BIRC6: variants seen among roughly 807,000 people sequenced by gnomAD.
BIRC6 encodes dual E2 ubiquitin-conjugating enzyme/E3 ubiquitin-protein ligase BIRC6.
Under a neutral mutation model 503.3 loss-of-function variants are expected in BIRC6, and 98 were observed. That is an observed-to-expected ratio of 0.19 (90% CI 0.17 to 0.23). BIRC6 has a LOEUF of 0.23. BIRC6 is among the 10% of genes least tolerant of loss of function. The probability of loss-of-function intolerance (pLI) is 1.00; values close to 1 mark genes in which losing one functional copy is unlikely to be tolerated. For missense variants in BIRC6, 5,360 were observed against 5,806.0 expected (o/e 0.92, Z 2.50); for synonymous variants, 2,240 against 2,078.7 (o/e 1.08, Z -2.11).
intron 15 of BIRC6, among the ~76,000 whole-genome samples, 165 bp from the exon 16 acceptor site, chr2:32,439,343 G>T (rs779816857): frequency 6.6e-6 from 1 of 152,060 alleles, no homozygotes; most frequent in South Asian, 2.1e-4. Context: ...TGCTGACAGC[G>T]TGTGAAGGTG....
chr2:32,425,098 A>T (rs371975959), intron 10 of BIRC6, among the ~76,000 whole-genome samples: 1 of 147,728 alleles, frequency 6.8e-6, no homozygotes, highest in Non-Finnish European at 1.5e-5. Flanking sequence ...CCACTTTTGA[A>T]TTTTTTTTTT....
At chr2:32,545,541 CT>C (rs2057999611) in intron 62 of BIRC6, 101 bp from the exon 63 acceptor site, 1 of 956,148 alleles carries the variant, frequency 1.0e-6, no homozygotes, top group Admixed American at 1.8e-5. Context: ...TAGTGGTATA[CT>C]TTTGTATTAC....
chr2:32,531,615 T>G (rs2056759783), intron 61 of BIRC6, 64 bp downstream of exon 61: 1 of 1,381,184 alleles, frequency 7.2e-7, no homozygotes, highest in Admixed American at 2.6e-5. Flanking sequence ...CTTTTTAATG[T>G]TTGTTTTTTA....
At chr2:32,457,711 T>G (rs922715496) in intron 23 of BIRC6, among the ~76,000 whole-genome samples, 3 of 152,104 alleles carry the variant, frequency 2.0e-5, no homozygotes, top group South Asian at 2.1e-4. Context: ...TGAGCTTTTA[T>G]CTGGTATGAT....
chr2:32,395,708 T>G (rs899209396), intron 6 of BIRC6, 115 bp downstream of exon 6: 46 of 812,588 alleles, frequency 5.7e-5, no homozygotes, highest in Non-Finnish European at 9.1e-5. Flanking sequence ...CCTATATTTT[T>G]GTCATTGTCC....
chr2:32,549,536 A>G (rs994211747), intron 65 of BIRC6, 55 bp downstream of exon 65: 2 of 1,258,720 alleles, frequency 1.6e-6, no homozygotes, highest in African/African-American at 1.5e-5. Flanking sequence ...TGCTTATTTT[A>G]TCATTGTCTA....
intron 65 of BIRC6, chr2:32,565,214 A>G (rs2059454083): frequency 6.6e-6 from 1 of 152,222 alleles, no homozygotes; most frequent in East Asian, 1.9e-4. Context: ...AGAACCTTAC[A>G]GTGGAATATT....
At chr2:32,414,272 C>T (rs1247933729) in intron 9 of BIRC6, among the ~76,000 whole-genome samples, 4 of 152,158 alleles carry the variant, frequency 2.6e-5, no homozygotes, top group African/African-American at 7.2e-5. Context: ...AGCAAAACTC[C>T]ATCTCCAGAA....
Position 32,479,630 on chromosome 2 carries a change from A to G in BIRC6, c.7408+13A>G, listed in dbSNP as rs1220495450. ...CATGACATAACAGGTAAAGTTTTAC[A>G]TTATGTTTCTTCTTTATTCTATTAA... On this transcript the variant is annotated intron_variant, in intron 37 of 73. Coordinates refer to ENST00000421745, the MANE Select transcript of BIRC6 (RefSeq NM_016252.4). 6.4e-7 allele frequency: 1 copy of G among 1,569,082 alleles called. No homozygotes were observed. The highest frequency in any genetic ancestry group is 1.7e-5 in the Admixed American group (1 of 57,194).
intron 72 of BIRC6, among the ~76,000 whole-genome samples, chr2:32,608,776 T>C (rs1229865089): frequency 6.6e-6 from 1 of 152,210 alleles, no homozygotes; most frequent in African/African-American, 2.4e-5. Flanking sequence ...GTTTCTGATA[T>C]ATTTCTCATT....
At chr2:32,479,932 T>A (rs2050186431) in intron 37 of BIRC6, among the ~76,000 whole-genome samples, 1 of 152,178 alleles carries the variant, frequency 6.6e-6, no homozygotes, top group Non-Finnish European at 1.5e-5. Flanking sequence ...TTCTTTAAGA[T>A]CCAGCATGTG....
At chr2:32,368,842 A>G (rs1411060793) in intron 1 of BIRC6, among the ~76,000 whole-genome samples, 1 of 152,050 alleles carries the variant, frequency 6.6e-6, no homozygotes, top group Non-Finnish European at 1.5e-5. Context: ...AATAGAGACA[A>G]GGTTTCACCA....
At chr2:32,440,750 A>AT (rs1022315135) in intron 16 of BIRC6, among the ~76,000 whole-genome samples, 2 of 129,670 alleles carry the variant, frequency 1.5e-5, no homozygotes, top group African/African-American at 2.9e-5. Flanking sequence ...GTGTTTATTT[A>AT]TTTATTATTA....
intron 15 of BIRC6, 73 bp from the exon 16 acceptor site, chr2:32,439,435 T>C: frequency 7.1e-7 from 1 of 1,404,022 alleles, no homozygotes; most frequent in Non-Finnish European, 9.8e-7. Flanking sequence ...GTTGATCTTG[T>C]TCTATGAAGA....
rs916393338 is a variant in BIRC6 at position 32,473,275 on chromosome 2, G to T, written c.6720+36G>T. On this transcript the variant is annotated intron_variant, in intron 33 of 73. Transcript: ENST00000421745. Reference sequence around the variant, plus strand: ...ATATATTTAAAAATTTTTAATGTTTGAGAATATTGTTTTGGAGTTTGCATG... The same window carrying T: ...ATATATTTAAAAATTTTTAATGTTTTAGAATATTGTTTTGGAGTTTGCATG... 6 of 1,484,832 alleles carry T rather than the reference G, an allele frequency of 4.0e-6. No homozygotes were observed. The East Asian group carries it at 9.9e-5, about 25-fold the overall frequency. The allele number at this position is 1,484,832 out of a possible 1,614,324, so 92.0% of individuals were successfully genotyped here.
chr2:32,436,242 G>GAA, intron 15 of BIRC6, 58 bp downstream of exon 15: 8 of 1,284,260 alleles, frequency 6.2e-6, no homozygotes, highest in Non-Finnish European at 8.1e-6. Context: ...TAAAAAAGAC[G>GAA]AAAAAAAACT....
intron 6 of BIRC6, among the ~76,000 whole-genome samples, chr2:32,398,040 C>A (rs1334894026): frequency 6.6e-6 from 1 of 151,862 alleles, no homozygotes; most frequent in Admixed American, 6.6e-5. Context: ...GGCTGGGGAA[C>A]CTAGGCACCT....
chr2:32,602,376 A>C (rs1184936681), intron 70 of BIRC6: 1 of 152,182 alleles, frequency 6.6e-6, no homozygotes, highest in Admixed American at 6.5e-5. Flanking sequence ...GTAGAAGCTA[A>C]AAAAATTGAT....
At chr2:32,612,591 A>ATG (rs1320754340) in intron 73 of BIRC6, among the ~76,000 whole-genome samples, 2 of 152,200 alleles carry the variant, frequency 1.3e-5, no homozygotes, top group Non-Finnish European at 2.9e-5. Context: ...TTTTAAAAAG[A>ATG]TCCCTATCTT....
Sources: allele counts gnomAD v4.1 joint callset (sites outside exome capture counted in the v4.1 genomes callset), GRCh38; gene constraint gnomAD v4.1.1; transcripts MANE v1.5; gene names NCBI Gene and HGNC (gene_info 2026-07-23, HGNC 2026-07-21).